The following OR8B3 variants were observed in gnomAD, a reference collection of about 807,000 sequenced individuals.
The protein encoded by OR8B3 is olfactory receptor 8B3.
For missense variants in OR8B3, 278 were observed against 377.6 expected (o/e 0.74, Z 2.19); for synonymous variants, 102 against 135.4 (o/e 0.75, Z 1.71).
the OR8B3 span, among the ~76,000 whole-genome samples, chr11:124,408,254 A>C: frequency 6.6e-6 from 1 of 152,116 alleles, no homozygotes; most frequent in Non-Finnish European, 1.5e-5. Flanking sequence ...TTTTCAATCC[A>C]TTGGCATTTT....
At chr11:124,400,987 GA>G (rs1860985393), upstream of OR8B3, among the ~76,000 whole-genome samples, 1 of 152,040 alleles carries the variant, frequency 6.6e-6, no homozygotes, top group Non-Finnish European at 1.5e-5. Context: ...CTTTGTGCTA[GA>G]AATAGCTATT....
chr11:124,406,084 T>G, the OR8B3 span, among the ~76,000 whole-genome samples: 1 of 152,312 alleles, frequency 6.6e-6, no homozygotes, highest in Non-Finnish European at 1.5e-5. Context: ...AGTAAAATCG[T>G]AGATTATAGC....
In OR8B3 at chr11:124,396,930, C is replaced by A; in HGVS notation, c.422G>T (p.Cys141Phe). ...GTAAGCAGCAAAAGTGAGCATAGAA[C>A]AGACCTGATGGGACATGGTGACCTT... ...LYKVTMSHQV[C>F]SMLTFAAYIM... Residue 141 changes from cysteine to phenylalanine, a missense_variant, in exon 2 of 2, where the codon TGT (cysteine) becomes TTT (phenylalanine). Physicochemically the swap from Cys to Phe is radical, Grantham distance 205 (BLOSUM62 -2). Coordinates refer to ENST00000641139, the MANE Select transcript of OR8B3 (RefSeq NM_001005467.2). The A allele has an allele frequency of 6.2e-7, 1 of 1,607,148 alleles. No individual in the cohort carries two copies. The highest frequency in any genetic ancestry group is 8.5e-7 in the Non-Finnish European group (1 of 1,176,424).
chr11:124,409,175 G>A, the OR8B3 span, among the ~76,000 whole-genome samples: 8 of 152,284 alleles, frequency 5.3e-5, no homozygotes, highest in Non-Finnish European at 1.0e-4. Flanking sequence ...CTGAATTACC[G>A]AAAGTAATTA....
chr11:124,404,399 T>A, the OR8B3 span: 4 of 152,340 alleles, frequency 2.6e-5, no homozygotes, highest in African/African-American at 9.6e-5. Flanking sequence ...AAATTTTTCT[T>A]GTGAGTAACC....
intron 1 of OR8B3, 133 bp downstream of exon 1, chr11:124,398,557 A>C (rs1252500470): frequency 6.6e-6 from 1 of 152,220 alleles, no homozygotes; most frequent in Admixed American, 6.5e-5. Context: ...GCCAACAGAG[A>C]GAACAGTGTG....
upstream of OR8B3, among the ~76,000 whole-genome samples, chr11:124,400,152 T>C (rs1860968374): frequency 6.6e-6 from 1 of 152,176 alleles, no homozygotes; most frequent in Non-Finnish European, 1.5e-5. Flanking sequence ...TGAGTCACCA[T>C]ACCCAGCCAA....
upstream of OR8B3, among the ~76,000 whole-genome samples, chr11:124,402,452 A>G (rs1443570325): frequency 1.3e-5 from 2 of 152,162 alleles, no homozygotes; most frequent in Non-Finnish European, 2.9e-5. Flanking sequence ...GGGCCTGTAA[A>G]ATAAGTCTGT....
the OR8B3 span, among the ~76,000 whole-genome samples, chr11:124,408,971 G>C: frequency 1.1e-3 from 170 of 152,282 alleles, 1 homozygote; most frequent in African/African-American, 3.8e-3. Flanking sequence ...TACCTCTGCT[G>C]CTGCCATACA....
chr11:124,400,383 A>G (rs373098788), upstream of OR8B3, among the ~76,000 whole-genome samples: 1 of 152,166 alleles, frequency 6.6e-6, no homozygotes, highest in Non-Finnish European at 1.5e-5. Flanking sequence ...TATATATTGC[A>G]TTATTATTAA....
chr11:124,400,637 C>T (rs539422139), upstream of OR8B3, among the ~76,000 whole-genome samples: 34 of 152,164 alleles, frequency 2.2e-4, no homozygotes, highest in African/African-American at 6.7e-4. Flanking sequence ...CTCCTGGACT[C>T]GAGCAATCCT....
At chr11:124,403,943 T>C (rs1424143806), upstream of OR8B3, among the ~76,000 whole-genome samples, 1 of 152,084 alleles carries the variant, frequency 6.6e-6, no homozygotes, top group African/African-American at 2.4e-5. Flanking sequence ...AAACCCCGTC[T>C]CCACCAAAAA....
At chr11:124,409,561 G>A in the OR8B3 span, among the ~76,000 whole-genome samples, 227 of 152,314 alleles carry the variant, frequency 1.5e-3, no homozygotes, top group African/African-American at 5.3e-3. Context: ...CTCTTTTTGT[G>A]TTCAGAGAAT....
Position 124,396,629 on chromosome 11 carries a change from A to G in OR8B3, c.723T>C (p.Cys241=), listed in dbSNP as rs1469772240. The part of the protein sequence containing the change: ...TQGRSKAFST[C]SSHVIALSLF... ...GAGACAGAGCAATGACATGAGAGCT[A>G]CAAGTACTGAAGGCTTTTGATCTTC... The change falls in exon 2 of 2, where the codon TGT becomes TGC. Residue 241 remains cysteine (C), a synonymous_variant. Transcript: ENST00000641139. 9 of 1,612,032 alleles carry G rather than the reference A, an allele frequency of 5.6e-6. No homozygotes were observed. Among genetic ancestry groups the G allele is most frequent in the Non-Finnish European group, 7.6e-6 (9 of 1,178,926 alleles).
At chr11:124,403,309 C>T (rs930806620), upstream of OR8B3, among the ~76,000 whole-genome samples, 4 of 151,542 alleles carry the variant, frequency 2.6e-5, no homozygotes, top group Non-Finnish European at 5.9e-5. Context: ...AAACCGCCAT[C>T]GTCATCATGG....
rs781415465 is a variant in OR8B3, at chr11:124,397,180, G to A, written c.172C>T (p.Pro58Ser). ...AGATTGAAGAGGAAATAGTACATTG[G>A]TGTGTGGAGGTGAGAATTTAGACCG... ...LFGLNSHLHT[P>S]MYYFLFNLSF... Residue 58 changes from proline (P) to serine (S), a missense_variant, in exon 2 of 2, where the codon CCA becomes TCA. Transcript: ENST00000641139. 8.7e-6 allele frequency: 14 copies of A among 1,612,214 alleles called. No homozygotes were observed. The South Asian group carries it at 1.5e-4, about 18-fold the overall frequency.
Position 124,395,693 on chromosome 11 carries a change from C to A in OR8B3, c.*717G>T, listed in dbSNP as rs1436107244. On this transcript the variant is annotated 3_prime_UTR_variant, in exon 2 of 2. Coordinates refer to ENST00000641139, the MANE Select transcript of OR8B3 (RefSeq NM_001005467.2). Reference sequence around the variant, plus strand: ...AAAGTTTTATAATGTAAACAATGGACCCACTTATTGGAATCCTGAGGTCCA... The same window carrying A: ...AAAGTTTTATAATGTAAACAATGGAACCACTTATTGGAATCCTGAGGTCCA... The A allele has an allele frequency of 1.3e-5, 2 of 152,118 alleles. No homozygotes were observed. The highest frequency in any genetic ancestry group is 2.4e-5 in the African/African-American group (1 of 41,406). The allele number at this position is 152,118 out of a possible 1,614,324, so 9.4% of individuals were successfully genotyped here. A position where few individuals can be genotyped will look rare whatever the true frequency, so the allele number is the denominator to read the frequency against.
At chr11:124,399,893 T>C (rs1405191606), upstream of OR8B3, among the ~76,000 whole-genome samples, 1 of 152,110 alleles carries the variant, frequency 6.6e-6, no homozygotes, top group Admixed American at 6.6e-5. Context: ...CTCTTTTTTT[T>C]TTTTTTTGAG....
At position 124,398,965 on chromosome 11, in the gene OR8B3, C is replaced by T. The variant is rs767044977; in HGVS notation, c.-293G>A. On this transcript the variant is annotated 5_prime_UTR_variant, in exon 1 of 2. In the 5' UTR this introduces an upstream ATG that the reference lacks. Transcript: ENST00000641139. ...ACCAGAGCTACCATGTCATAGAGCACATGGCATTTGCTCAAGGCTTACAAT... is the reference window on the plus strand; with the variant it reads ...ACCAGAGCTACCATGTCATAGAGCATATGGCATTTGCTCAAGGCTTACAAT... The T allele has an allele frequency of 2.0e-5, 3 of 152,200 alleles. No homozygotes were observed. The highest frequency in any genetic ancestry group is 2.9e-5 in the Non-Finnish European group (2 of 68,044). 9.4% of individuals were successfully genotyped at this position (152,200 alleles called of 1,614,324 possible). A position where few individuals can be genotyped will look rare whatever the true frequency, so the allele number is the denominator to read the frequency against.
Sources: allele counts gnomAD v4.1 joint callset (sites outside exome capture counted in the v4.1 genomes callset), GRCh38; gene constraint gnomAD v4.1.1; transcripts MANE v1.5; gene names NCBI Gene and HGNC (gene_info 2026-07-23, HGNC 2026-07-21).